ABCC12: variants seen among roughly 807,000 people sequenced by gnomAD.
ABCC12 encodes the protein ATP-binding cassette sub-family C member 12.
A neutral mutation model predicts 151.1 loss-of-function variants in ABCC12; 142 were observed. The observed-to-expected ratio is 0.94, with a 90% CI of 0.82 to 1.08. The LOEUF is 1.08. Among genes scored for constraint, ABCC12 ranks in the 50% least tolerant of loss-of-function variants. The pLI is 0.00. For missense variants in ABCC12, 1,638 were observed against 1,691.1 expected (o/e 0.97, Z 0.55); for synonymous variants, 645 against 646.4 (o/e 1.00, Z 0.03).
At chr16:48,108,040 A>G (rs1237822545) in intron 19 of ABCC12, among the ~76,000 whole-genome samples, 1 of 152,046 alleles carries the variant, frequency 6.6e-6, no homozygotes, top group Non-Finnish European at 1.5e-5. Flanking sequence ...AAGAAAGAAA[A>G]AGAAACCAAG....
chr16:48,146,182 G>T (rs1964994214), intron 3 of ABCC12, 124 bp downstream of exon 3: 1 of 829,870 alleles, frequency 1.2e-6, no homozygotes, highest in Non-Finnish European at 2.0e-6. Context: ...GTGTGCATGG[G>T]TGGACGGACA....
At chr16:48,084,528 T>C (rs1962500072) in intron 29 of ABCC12, among the ~76,000 whole-genome samples, 1 of 152,252 alleles carries the variant, frequency 6.6e-6, no homozygotes, top group Admixed American at 6.5e-5. Flanking sequence ...ATCAAGGTAT[T>C]GTCAGGGCTG....
chr16:48,133,549 G>A, intron 9 of ABCC12, 138 bp downstream of exon 9: 1 of 982,320 alleles, frequency 1.0e-6, no homozygotes, highest in Non-Finnish European at 1.4e-6. Flanking sequence ...AAAAAAGTTG[G>A]AGTTGAAGTC....
intron 24 of ABCC12, among the ~76,000 whole-genome samples, chr16:48,092,363 C>T (rs1962935850): frequency 6.6e-6 from 1 of 152,182 alleles, no homozygotes; most frequent in South Asian, 2.1e-4. Context: ...GGTCTTGGAG[C>T]TCTGGGACAC....
chr16:48,138,520 G>C (rs1234785351), intron 7 of ABCC12, 145 bp from the exon 8 acceptor site: 1 of 949,284 alleles, frequency 1.1e-6, no homozygotes, highest in Non-Finnish European at 1.5e-6. Flanking sequence ...CCCTTGAGTT[G>C]TGGCTGTTGA....
rs144720520 is a variant in ABCC12, at chr16:48,088,076, G to A, written c.3485C>T (p.Ser1162Leu). The change falls in exon 27 of 31, where the codon TCG (serine) becomes TTG (leucine). Residue 1162 changes from serine (S) to leucine (L), a missense_variant. Physicochemically the swap from Ser to Leu is moderately radical, Grantham distance 145. Transcript: ENST00000311303. ...CAGACGAAACAAAGCCATTCCTAAC[G>A]ATGACTTTCCTGGGAACCATAAAAG... Reference protein sequence around the residue: ...IVGRTGSGKSSLGMALFRLVE... With the variant: ...IVGRTGSGKSLLGMALFRLVE... The A allele has an allele frequency of 6.5e-4, 1,046 of 1,613,674 alleles. 3 individuals are homozygous for A. The African/African-American group carries it at 0.011, about 17-fold the overall frequency.
intron 29 of ABCC12, among the ~76,000 whole-genome samples, chr16:48,084,969 C>T (rs1166062535): frequency 1.3e-5 from 2 of 151,888 alleles, no homozygotes; most frequent in African/African-American, 2.4e-5. Context: ...GGGGCTATGC[C>T]TTATTGATGA....
chr16:48,145,491 C>T (rs1964966423), intron 3 of ABCC12, among the ~76,000 whole-genome samples: 1 of 152,216 alleles, frequency 6.6e-6, no homozygotes, highest in South Asian at 2.1e-4. Flanking sequence ...TGGAATGTGA[C>T]CTGGCAGCTC....
chr16:48,101,505 C>A (rs991159340), intron 22 of ABCC12, among the ~76,000 whole-genome samples: 1 of 152,108 alleles, frequency 6.6e-6, no homozygotes, highest in Non-Finnish European at 1.5e-5. Context: ...CGGGATGCAG[C>A]TCCCCTTTAT....
intron 27 of ABCC12, 113 bp from the exon 28 acceptor site, chr16:48,086,932 C>A (rs1449988470): frequency 2.3e-6 from 2 of 865,284 alleles, no homozygotes; most frequent in Non-Finnish European, 3.9e-6. Context: ...CATGTGATGA[C>A]CTCGTGCTCC....
chr16:48,146,397 A>G lies in ABCC12; in HGVS notation c.28T>C (p.Ser10Pro), dbSNP rs774552524. Reference protein sequence around the residue: MVGEGPYLISDLDQRGRRRS... With the variant: MVGEGPYLIPDLDQRGRRRS... ...CGCCGGCCTCGCTGGTCCAGATCTG[A>G]GATAAGGTAGGGTCCTTCACCCACC... The change falls in exon 3 of 31, where the codon TCA (serine) becomes CCA (proline). Residue 10 changes from serine (S) to proline (P), a missense_variant. Transcript: ENST00000311303. The G allele has an allele frequency of 6.2e-7, 1 of 1,614,178 alleles. No individual in the cohort carries two copies.
Position 48,115,492 on chromosome 16 carries a change from C to G in ABCC12, c.1912G>C (p.Gly638Arg), listed in dbSNP as rs1335330458. ...DPLSAVDAHV[G>R]KHVFEECIKK... Reference sequence around the variant, plus strand: ...ATGCACTCCTCAAAGACGTGCTTCCCCACGTGGGCGTCCACGGCCGACAGG... The same window carrying G: ...ATGCACTCCTCAAAGACGTGCTTCCGCACGTGGGCGTCCACGGCCGACAGG... The change falls in exon 15 of 31, where the codon GGG becomes CGG. Residue 638 changes from glycine (G) to arginine (R), a missense_variant. Gly to Arg is a moderately radical substitution (Grantham distance 125). Coordinates refer to ENST00000311303, the MANE Select transcript of ABCC12 (RefSeq NM_001393797.1). 6.2e-7 allele frequency: 1 copy of G among 1,614,092 alleles called. No homozygotes were observed. Among genetic ancestry groups the G allele is most frequent in the African/African-American group, 1.3e-5 (1 of 74,950 alleles).
rs908603454 is a variant in ABCC12 at position 48,091,003 on chromosome 16, G to A, written c.3285+117C>T. 6.0e-6 allele frequency: 6 copies of A among 999,906 alleles called. No individual in the cohort carries two copies. The African/African-American group carries it at 7.9e-5, about 13-fold the overall frequency. 61.9% of individuals were successfully genotyped at this position (999,906 alleles called of 1,614,324 possible). A position where few individuals can be genotyped will look rare whatever the true frequency, so the allele number is the denominator to read the frequency against. ...TGGGATTATAGGCGTAAGCCACCAC[G>A]CCCGGCCCGATTTCCGTTTTTTAAA... On this transcript the variant is annotated intron_variant, in intron 25 of 30. Transcript: ENST00000311303.
Position 48,085,490 on chromosome 16 carries a change from T to C in ABCC12, c.3828+103A>G, listed in dbSNP as rs562164262. 16 of 967,368 alleles carry C rather than the reference T, an allele frequency of 1.7e-5. No homozygotes were observed. The South Asian group carries it at 2.1e-4, about 13-fold the overall frequency. 59.9% of individuals were successfully genotyped at this position (967,368 alleles called of 1,614,324 possible). A position where few individuals can be genotyped will look rare whatever the true frequency, so the allele number is the denominator to read the frequency against. ...ATCGGTTTTTAAATGGCTCAATTGC[T>C]GTCTCTTTGCTGAAAGACATACACG... On this transcript the variant is annotated intron_variant, in intron 29 of 30. Coordinates refer to ENST00000311303, the MANE Select transcript of ABCC12 (RefSeq NM_001393797.1).
At chr16:48,104,699 C>T (rs144141791) in intron 21 of ABCC12, among the ~76,000 whole-genome samples, 1 of 152,304 alleles carries the variant, frequency 6.6e-6, no homozygotes, top group African/African-American at 2.4e-5. Context: ...CAATAAAAAG[C>T]CAAGTTTCAC....
Position 48,105,262 on chromosome 16 carries a change from C to G in ABCC12, c.2550G>C (p.Val850=), listed in dbSNP as rs2150606784. 6.2e-7 allele frequency: 1 copy of G among 1,614,126 alleles called. No homozygotes were observed. The highest frequency in any genetic ancestry group is 8.5e-7 in the Non-Finnish European group (1 of 1,180,044). ...GAVLADIGQH[V]YQWVYTASMV... ...TGCTTGCAGTGTACACCCACTGGTACACATGCTGACCGATGTCTGCCAGCA... is the reference window on the plus strand; with the variant it reads ...TGCTTGCAGTGTACACCCACTGGTAGACATGCTGACCGATGTCTGCCAGCA... The change falls in exon 21 of 31, where the codon GTG becomes GTC. Residue 850 remains valine (V), a synonymous_variant. Coordinates refer to ENST00000311303, the MANE Select transcript of ABCC12 (RefSeq NM_001393797.1).
At chr16:48,149,244 CAAA>C (rs1175912271) in intron 2 of ABCC12, among the ~76,000 whole-genome samples, 1,861 of 65,038 alleles carry the variant, frequency 0.029, 36 homozygotes, top group African/African-American at 0.088. Context: ...GTAGATTAAC[CAAA>C]AAAAAAAAAA....
In ABCC12 at chr16:48,116,733, A is replaced by G. The variant is rs139148591; in HGVS notation, c.1785+528T>C. Among the ~76,000 whole-genome samples the G allele has an allele frequency of 5.3e-4, 81 of 152,274 alleles. 1 individual carries two copies. In the East Asian group the frequency reaches 0.014, roughly 26 times the overall value. Reference sequence around the variant, plus strand: ...CTGATCTCCTCTGGGGCTCCTGGGCAAGGTGAGGAAGATTGTGCAGAGAGC... The same window carrying G: ...CTGATCTCCTCTGGGGCTCCTGGGCGAGGTGAGGAAGATTGTGCAGAGAGC... On this transcript the variant is annotated intron_variant, in intron 14 of 30. Transcript: ENST00000311303.
chr16:48,128,407 A>G, intron 11 of ABCC12, 52 bp downstream of exon 11: 1 of 1,596,758 alleles, frequency 6.3e-7, no homozygotes, highest in African/African-American at 1.3e-5. Context: ...GGCTGTAGCT[A>G]TGTAATGCAA....
Sources: gnomAD v4.1 joint callset for allele counts (sites outside exome capture counted in the v4.1 genomes callset) on GRCh38, gnomAD v4.1.1 for gene constraint, MANE v1.5 for transcripts, NCBI Gene and HGNC (gene_info 2026-07-23, HGNC 2026-07-21) for gene names.